EYA2: variants seen among roughly 807,000 people sequenced by gnomAD.
EYA2 encodes protein phosphatase EYA2.
In EYA2, 31 loss-of-function variants were observed where a neutral mutation model predicts 69.2. The ratio of observed to expected loss-of-function variants is 0.45; its 90% confidence interval spans 0.34 to 0.60. The LOEUF is 0.60. EYA2 is among the 20% of genes least tolerant of loss of function. The probability of loss-of-function intolerance (pLI) is 0.02; values close to 1 mark genes in which losing one functional copy is unlikely to be tolerated. For missense variants in EYA2, 622 were observed against 701.2 expected (o/e 0.89, Z 1.28); for synonymous variants, 257 against 279.4 (o/e 0.92, Z 0.80).
At chr20:46,933,105 T>C (rs1461905138) in intron 1 of EYA2, among the ~76,000 whole-genome samples, 3 of 152,208 alleles carry the variant, frequency 2.0e-5, no homozygotes, top group African/African-American at 7.2e-5. Context: ...GAGAACAGAC[T>C]AATACAAGGG....
chr20:46,952,736 C>T (rs1978880463), intron 1 of EYA2, among the ~76,000 whole-genome samples: 1 of 152,188 alleles, frequency 6.6e-6, no homozygotes, highest in African/African-American at 2.4e-5. Flanking sequence ...GCGAGTTCAG[C>T]CCCACTGGCT....
intron 1 of EYA2, among the ~76,000 whole-genome samples, chr20:46,972,063 A>G (rs1260462820): frequency 6.6e-6 from 1 of 152,204 alleles, no homozygotes; most frequent in East Asian, 1.9e-4. Context: ...GATTAGGGGG[A>G]TGTAGGAAGA....
intron 1 of EYA2, among the ~76,000 whole-genome samples, chr20:46,898,667 T>TCTAGTCGGAGGAGGATAAACACCCCCTC (rs1983939179): frequency 1.3e-5 from 2 of 152,200 alleles, no homozygotes; most frequent in African/African-American, 2.4e-5. Flanking sequence ...AACACCCTTT[T>TCTAGTCGGAGGAGGATAAACACCCCCTC]CTAGTCGGAG....
chr20:47,161,062 A>G (rs1230007719), intron 10 of EYA2: 3 of 297,238 alleles, frequency 1.0e-5, no homozygotes, highest in East Asian at 1.9e-4. Context: ...GCTGCGGCGT[A>G]GCAGTCATAG....
intron 7 of EYA2, among the ~76,000 whole-genome samples, chr20:47,086,411 G>A (rs1377741232): frequency 6.6e-6 from 1 of 152,214 alleles, no homozygotes; most frequent in Non-Finnish European, 1.5e-5. Flanking sequence ...CATTCCTCAG[G>A]CTGTACAGGA....
At chr20:47,039,076 C>T (rs1984885624) in intron 5 of EYA2, among the ~76,000 whole-genome samples, 1 of 151,530 alleles carries the variant, frequency 6.6e-6, no homozygotes, top group African/African-American at 2.4e-5. Flanking sequence ...CCTGAAATGG[C>T]TGGGCTTAGC....
chr20:47,124,875 T>TAA (rs11426514), intron 9 of EYA2, among the ~76,000 whole-genome samples: 6,906 of 147,512 alleles, frequency 0.047, 494 homozygotes, highest in African/African-American at 0.16. Flanking sequence ...CTTCAAAGAT[T>TAA]AAAAAAAAAA....
At chr20:47,028,235 G>T (rs760445802) in intron 5 of EYA2, among the ~76,000 whole-genome samples, 2 of 152,220 alleles carry the variant, frequency 1.3e-5, no homozygotes, top group Non-Finnish European at 2.9e-5. Context: ...CGTTGACCTT[G>T]GACTTCTTGG....
intron 9 of EYA2, among the ~76,000 whole-genome samples, chr20:47,107,525 C>CAAAAA (rs111607473): frequency 1.6e-5 from 2 of 125,260 alleles, no homozygotes; most frequent in African/African-American, 3.1e-5. Flanking sequence ...GACTCTGTAT[C>CAAAAA]AAAAAAAAAA....
At chr20:46,989,977 A>C in intron 1 of EYA2, 24 bp from the exon 2 acceptor site, 1 of 1,169,620 alleles carries the variant, frequency 8.5e-7, no homozygotes, top group Non-Finnish European at 1.3e-6. Context: ...TGAATAAATT[A>C]TATTTCCCTT....
chr20:46,918,720 C>T (rs1985043516), intron 1 of EYA2, among the ~76,000 whole-genome samples: 2 of 152,218 alleles, frequency 1.3e-5, no homozygotes, highest in Non-Finnish European at 2.9e-5. Flanking sequence ...GATATTTTTA[C>T]CTCCTCCTGT....
chr20:47,145,761 T>G (rs376260789), intron 10 of EYA2, among the ~76,000 whole-genome samples: 1 of 151,424 alleles, frequency 6.6e-6, no homozygotes, highest in East Asian at 1.9e-4. Context: ...ATTAGCCAGG[T>G]GTGGTGGCGG....
At chr20:46,921,379 C>T (rs1401405671) in intron 1 of EYA2, among the ~76,000 whole-genome samples, 2 of 152,228 alleles carry the variant, frequency 1.3e-5, no homozygotes, top group Admixed American at 6.5e-5. Flanking sequence ...CATTTGTAGT[C>T]CTCTGCAGTA....
rs3085766 is a variant in EYA2, at chr20:46,898,394, A to AACACACACACACACAC, written c.-11+3422_-11+3437dup. ...AAGAAAACACAGCCTGTTGACAGAA[A>AACACACACACACACAC]ACACACACACACACACACACACACA... On this transcript the variant is annotated intron_variant, in intron 1 of 15. Transcript: ENST00000327619. Among the ~76,000 whole-genome samples, 1,239 of 146,534 alleles carry AACACACACACACACAC rather than the reference A, an allele frequency of 8.5e-3. 5 individuals carry two copies. Among genetic ancestry groups the AACACACACACACACAC allele is most frequent in the Non-Finnish European group, 0.014 (915 of 66,258 alleles).
intron 7 of EYA2, among the ~76,000 whole-genome samples, chr20:47,080,430 G>C (rs1259811704): frequency 8.2e-6 from 1 of 122,698 alleles, no homozygotes. Flanking sequence ...GGGAGGGAGG[G>C]AAATGAGGGA....
At chr20:47,141,091 C>G (rs553558930) in intron 9 of EYA2, among the ~76,000 whole-genome samples, 72 of 152,158 alleles carry the variant, frequency 4.7e-4, no homozygotes, top group Non-Finnish European at 8.2e-4. Context: ...AATTTCAACA[C>G]GAGTTGTGAC....
At position 47,179,832 on chromosome 20, in the gene EYA2, A is replaced by G. The variant is rs146052461; in HGVS notation, c.1233A>G (p.Leu411=). ...GCACTCCCAAAAGGGAGACCTGGCT[A>G]CAGCTCCGAGCTGAGCTGGAAGCTC... ...LIGTPKRETW[L]QLRAELEALT... The change falls in exon 13 of 16, where the codon CTA becomes CTG. Residue 411 remains leucine, a synonymous_variant. Coordinates refer to ENST00000327619, the MANE Select transcript of EYA2 (RefSeq NM_005244.5). 3.2e-5 allele frequency: 51 copies of G among 1,613,916 alleles called. No individual in the cohort carries two copies. Among genetic ancestry groups the G allele is most frequent in the Non-Finnish European group, 4.3e-5 (51 of 1,179,964 alleles).
intron 5 of EYA2, among the ~76,000 whole-genome samples, chr20:47,025,279 C>A (rs1460457702): frequency 3.9e-5 from 6 of 152,216 alleles, no homozygotes; most frequent in Non-Finnish European, 5.9e-5. Context: ...TGCTGTGGGG[C>A]AGTCAGCTGT....
intron 9 of EYA2, among the ~76,000 whole-genome samples, chr20:47,134,656 C>T (rs142897609): frequency 0.011 from 1,608 of 152,080 alleles, 10 homozygotes; most frequent in Non-Finnish European, 0.017. Context: ...TCTGATAGTT[C>T]GTTGTCTATT....
Sources: gnomAD v4.1 joint callset for allele counts (sites outside exome capture counted in the v4.1 genomes callset) on GRCh38, gnomAD v4.1.1 for gene constraint, MANE v1.5 for transcripts, NCBI Gene and HGNC (gene_info 2026-07-23, HGNC 2026-07-21) for gene names.